Variants in CES5A observed in about 807,000 individuals in gnomAD.
The protein encoded by CES5A is carboxylesterase 5A.
CES5A carries 67 observed loss-of-function variants against 62.9 expected under a neutral mutation model. The observed-to-expected ratio is 1.07, with a 90% confidence interval of 0.88 to 1.31. The LOEUF (loss-of-function observed/expected upper bound fraction) is 1.31. Among genes scored for constraint, CES5A ranks in the 50% most tolerant of loss-of-function variants. The pLI is 0.00. For missense variants in CES5A, 748 were observed against 708.5 expected (o/e 1.06, Z -0.63); for synonymous variants, 296 against 280.8 (o/e 1.05, Z -0.54).
At chr16:55,861,363 T>C in intron 7 of CES5A, 49 bp downstream of exon 7, 1 of 984,458 alleles carries the variant, frequency 1.0e-6, no homozygotes, top group South Asian at 1.3e-5. Context: ...TGTTCATCTC[T>C]CCGTTCGAAG....
chr16:55,897,376 C>G (rs1362396), intron 1 of CES5A, among the ~76,000 whole-genome samples: 110,854 of 151,994 alleles, frequency 0.73, 40,471 homozygotes, highest in African/African-American at 0.76. Context: ...AGAGTACTTA[C>G]AGAAGGGGGA....
At chr16:55,938,765 A>T (rs28569776) in intron 2 of CES5A, among the ~76,000 whole-genome samples, 206 of 38,888 alleles carry the variant, frequency 5.3e-3, no homozygotes, top group Non-Finnish European at 5.5e-3. Flanking sequence ...AAAAAAAAAA[A>T]ATATATATAT....
intron 3 of CES5A, among the ~76,000 whole-genome samples, chr16:55,870,038 T>G (rs1426821882): frequency 1.3e-5 from 2 of 152,208 alleles, no homozygotes; most frequent in African/African-American, 4.8e-5. Context: ...ATCTCACTTA[T>G]GAAGTTATCA....
chr16:55,901,868 C>G (rs1464778301), intron 1 of CES5A, among the ~76,000 whole-genome samples: 3 of 152,136 alleles, frequency 2.0e-5, no homozygotes, highest in Non-Finnish European at 4.4e-5. Flanking sequence ...AATTTCGAGG[C>G]TTACAATTAC....
Position 55,933,133 on chromosome 16 carries a change from T to C in CES5A, c.160+16652A>G, listed in dbSNP as rs151165935. Among the ~76,000 whole-genome samples, 848 of 152,340 alleles carry C rather than the reference T, an allele frequency of 5.6e-3. 13 individuals carry two copies. The highest frequency in any genetic ancestry group is 0.016 in the African/African-American group (646 of 41,576). On this transcript the variant is annotated intron_variant, in intron 2 of 13. Transcript: ENST00000521992. ...TGGAATACATGGCCTTCAAGGCCTA[T>C]CAGGGAAAGAGAGAGATGAAGGAGG...
chr16:55,859,302 C>T (rs181307778), intron 8 of CES5A, among the ~76,000 whole-genome samples: 1 of 152,298 alleles, frequency 6.6e-6, no homozygotes, highest in African/African-American at 2.4e-5. Context: ...CCCCTCTTTC[C>T]TTTTTATACA....
rs2033315854 is a variant in CES5A, at chr16:55,859,750, C to T, written c.916-63G>A. 2.6e-6 allele frequency: 4 copies of T among 1,522,142 alleles called. No homozygotes were observed. The East Asian group carries it at 9.1e-5, about 35-fold the overall frequency. 94.3% of individuals were successfully genotyped at this position (1,522,142 alleles called of 1,614,324 possible). ...CAGCTATTTCTGTTCACAAAATCTG[C>T]TGTCCCAAATCCTGGCCAAGAAAAG... is the stretch of plus-strand genomic sequence containing the variant. On this transcript the variant is annotated intron_variant, in intron 7 of 12. Transcript: ENST00000290567.
intron 11 of CES5A, among the ~76,000 whole-genome samples, chr16:55,848,941 C>G (rs1007074879): frequency 2.6e-5 from 4 of 152,064 alleles, no homozygotes; most frequent in Admixed American, 1.3e-4. Context: ...AATGAATAAC[C>G]CACAGTGCAC....
intron 3 of CES5A, among the ~76,000 whole-genome samples, chr16:55,871,138 A>G (rs2033574842): frequency 6.6e-6 from 1 of 152,244 alleles, no homozygotes; most frequent in South Asian, 2.1e-4. Flanking sequence ...GGCATGAGGA[A>G]GAGAAGAGGA....
intron 1 of CES5A, among the ~76,000 whole-genome samples, chr16:55,914,932 G>A (rs75935594): frequency 0.013 from 1,912 of 152,198 alleles, 60 homozygotes; most frequent in East Asian, 0.099. Context: ...GCTCAGTGAC[G>A]GGCATATGGG....
intron 2 of CES5A, among the ~76,000 whole-genome samples, chr16:55,935,540 A>G (rs573191355): frequency 6.6e-5 from 10 of 152,304 alleles, no homozygotes; most frequent in South Asian, 2.1e-4. Context: ...ATTAATCATC[A>G]CATCCATCTT....
intron 9 of CES5A, 67 bp from the exon 10 acceptor site, chr16:55,853,095 C>A: frequency 6.6e-7 from 1 of 1,525,124 alleles, no homozygotes; most frequent in South Asian, 1.2e-5. Context: ...AAACACTCAC[C>A]TGTGCAGGTA....
At chr16:55,944,053 T>G (rs1228174359) in intron 2 of CES5A, 1 of 702,196 alleles carries the variant, frequency 1.4e-6, no homozygotes, top group East Asian at 2.7e-5. Context: ...CTCACCTCCA[T>G]GCAGAGAAGT....
rs533033036 is a variant in CES5A, at chr16:55,856,459, C to T, written c.1057-14G>A. ...AGGAGCCTCCTTCTGTGGAGAGAAG[C>T]GTGCCCTCTGTAAGCCATCTGGTCA... On this transcript the variant is annotated splice_polypyrimidine_tract_variant and intron_variant, in intron 8 of 12. Coordinates refer to ENST00000290567, the MANE Select transcript of CES5A (RefSeq NM_001143685.2). 32 of 1,613,614 alleles carry T rather than the reference C, an allele frequency of 2.0e-5. No homozygotes were observed. The highest frequency in any genetic ancestry group is 8.8e-5 in the South Asian group (8 of 91,074).
In CES5A at chr16:55,854,544, C is replaced by CTTTTTTCTTTT. The variant is rs2033200535; in HGVS notation, c.1126-1517_1126-1516insAAAAGAAAAAA. On this transcript the variant is annotated intron_variant, in intron 9 of 12. Coordinates refer to ENST00000290567, the MANE Select transcript of CES5A (RefSeq NM_001143685.2). ...CCTGTAGTGTTTCTTTTTTTTTTTT[C>CTTTTTTCTTTT]TTTTTTTTTTTTTGAGACAGAGTCT... Among the ~76,000 whole-genome samples the CTTTTTTCTTTT allele has an allele frequency of 6.2e-5, 4 of 64,416 alleles. 1 individual carries two copies. The highest frequency in any genetic ancestry group is 1.2e-3 in the East Asian group (2 of 1,610). The allele number at this position is 64,416 out of a possible 152,430, so 42.3% of individuals were successfully genotyped here. A position where few individuals can be genotyped will look rare whatever the true frequency, so the allele number is the denominator to read the frequency against.
intron 1 of CES5A, among the ~76,000 whole-genome samples, chr16:55,907,501 G>A (rs558509460): frequency 9.8e-5 from 15 of 152,316 alleles, no homozygotes; most frequent in African/African-American, 3.1e-4. Flanking sequence ...CCCAGACTCC[G>A]TGTGATACTC....
chr16:55,901,092 C>T (rs1819830), intron 1 of CES5A, among the ~76,000 whole-genome samples: 37,363 of 151,952 alleles, frequency 0.25, 4,885 homozygotes, highest in East Asian at 0.5. Context: ...ATGGGAGGGG[C>T]CTGGGGGAAG....
At chr16:55,855,294 G>T (rs1191279525) in intron 9 of CES5A, among the ~76,000 whole-genome samples, 1 of 152,184 alleles carries the variant, frequency 6.6e-6, no homozygotes, top group African/African-American at 2.4e-5. Flanking sequence ...CTGAATAAAC[G>T]TTTATGGAAA....
exon 1 of CES5A, chr16:55,925,397 T>C (rs929921052): frequency 6.6e-6 from 1 of 152,008 alleles, no homozygotes; most frequent in Admixed American, 6.6e-5. Context: ...CGGAGAACCC[T>C]CGTACACTGT....
Sources: allele counts gnomAD v4.1 joint callset (sites outside exome capture counted in the v4.1 genomes callset), GRCh38; gene constraint gnomAD v4.1.1; transcripts MANE v1.5; gene names NCBI Gene and HGNC (gene_info 2026-07-23, HGNC 2026-07-21).